Variants in NRXN3 observed in about 807,000 individuals in gnomAD.
The protein encoded by NRXN3 is neurexin III.
In NRXN3, 32 loss-of-function variants were observed where a neutral mutation model predicts 137.6. The ratio of observed to expected loss-of-function variants is 0.23; its 90% CI spans 0.18 to 0.31. NRXN3 has a LOEUF of 0.31. Ranked by LOEUF, NRXN3 falls within the 10% of genes least tolerant of loss-of-function variation. The probability of loss-of-function intolerance (pLI) is 1.00; values close to 1 mark genes in which losing one functional copy is unlikely to be tolerated. For synonymous variants in NRXN3, 798 were observed against 784.5 expected (o/e 1.02, Z -0.29); for missense variants, 1,574 against 2,062.5 (o/e 0.76, Z 4.59).
chr14:78,471,727 G>C (rs775325774), intron 4 of NRXN3, among the ~76,000 whole-genome samples: 7 of 152,122 alleles, frequency 4.6e-5, no homozygotes, highest in Non-Finnish European at 7.3e-5. Flanking sequence ...CATTGGTCTA[G>C]GCATACTTGT....
chr14:79,221,160 G>A (rs530037690), intron 15 of NRXN3, among the ~76,000 whole-genome samples: 1 of 151,984 alleles, frequency 6.6e-6, no homozygotes, highest in African/African-American at 2.4e-5. Context: ...TCATTGATGG[G>A]CATTTAGGTT....
chr14:78,294,207 A>G (rs1447076181), intron 3 of NRXN3, among the ~76,000 whole-genome samples: 2 of 152,204 alleles, frequency 1.3e-5, no homozygotes, highest in East Asian at 1.9e-4. Context: ...GTTGCCTTAC[A>G]TGTCAGTACA....
At chr14:79,598,307 G>A (rs2097883317) in intron 16 of NRXN3, among the ~76,000 whole-genome samples, 1 of 152,126 alleles carries the variant, frequency 6.6e-6, no homozygotes, top group Admixed American at 6.5e-5. Flanking sequence ...TCAGGTCATG[G>A]TTATCAGTTT....
chr14:79,085,703 G>C (rs77727286), intron 15 of NRXN3, among the ~76,000 whole-genome samples: 4,915 of 152,226 alleles, frequency 0.032, 259 homozygotes, highest in African/African-American at 0.11. Flanking sequence ...ATGATACGTA[G>C]AATTAGATGG....
chr14:79,631,335 T>C (rs2098342788), intron 16 of NRXN3, among the ~76,000 whole-genome samples: 1 of 152,274 alleles, frequency 6.6e-6, no homozygotes, highest in Non-Finnish European at 1.5e-5. Context: ...TGGCGCCTCC[T>C]CGGCCTCAGC....
intron 15 of NRXN3, among the ~76,000 whole-genome samples, chr14:79,361,956 G>T (rs1005580718): frequency 6.6e-6 from 1 of 150,652 alleles, no homozygotes; most frequent in Non-Finnish European, 1.5e-5. Context: ...GACTCTCGAG[G>T]CCAGCAGTGT....
chr14:78,796,447 A>AT (rs1347706079), intron 8 of NRXN3, among the ~76,000 whole-genome samples: 1 of 152,190 alleles, frequency 6.6e-6, no homozygotes, highest in East Asian at 1.9e-4. Context: ...TCTGGAACAG[A>AT]AGTTAGAGAA....
At chr14:79,007,989 C>T (rs1426592255) in intron 15 of NRXN3, among the ~76,000 whole-genome samples, 1 of 151,986 alleles carries the variant, frequency 6.6e-6, no homozygotes, top group Non-Finnish European at 1.5e-5. Flanking sequence ...TGTCAAGTGG[C>T]TCAAGCAGGA....
At chr14:79,606,264 C>T (rs2098014965) in intron 16 of NRXN3, among the ~76,000 whole-genome samples, 1 of 152,028 alleles carries the variant, frequency 6.6e-6, no homozygotes, top group African/African-American at 2.4e-5. Context: ...AAACAACAAA[C>T]CAACCAAATA....
At chr14:79,427,414 C>T (rs1215869430) in intron 15 of NRXN3, among the ~76,000 whole-genome samples, 6 of 152,094 alleles carry the variant, frequency 3.9e-5, no homozygotes, top group Admixed American at 3.3e-4. Flanking sequence ...TCCCATTCTA[C>T]TTCAGTCTCC....
chr14:79,478,819 A>G (rs10146997), intron 16 of NRXN3, among the ~76,000 whole-genome samples: 37,418 of 152,014 alleles, frequency 0.25, 5,197 homozygotes, highest in African/African-American at 0.36. Context: ...GTAGTTTCCA[A>G]TAGGAAGATT....
At chr14:78,246,335 G>A (rs562969367) in intron 2 of NRXN3, among the ~76,000 whole-genome samples, 1 of 151,952 alleles carries the variant, frequency 6.6e-6, no homozygotes, top group South Asian at 2.1e-4. Flanking sequence ...GTGTGCCATT[G>A]GTTTTTTAAT....
chr14:78,792,515 A>G lies in NRXN3; in HGVS notation c.2045-11105A>G, dbSNP rs986561800. ...AAAGAGAAAACCTAAGTACTTCAAC[A>G]AAGAAATTACTCAAAGGTATCAAAC... is the stretch of plus-strand genomic sequence containing the variant. On this transcript the variant is annotated intron_variant, in intron 8 of 20. Coordinates refer to ENST00000335750, the MANE Select transcript of NRXN3 (RefSeq NM_001330195.2). Among the ~76,000 whole-genome samples the G allele has an allele frequency of 5.9e-5, 9 of 152,174 alleles. No individual in the cohort carries two copies. The South Asian group carries it at 8.3e-4, about 14-fold the overall frequency.
intron 8 of NRXN3, among the ~76,000 whole-genome samples, chr14:78,795,129 T>A (rs1253566473): frequency 6.6e-6 from 1 of 152,112 alleles, no homozygotes; most frequent in Non-Finnish European, 1.5e-5. Flanking sequence ...GATATTTGAT[T>A]TTTCTTTGAA....
chr14:78,981,212 A>G (rs1483746320), intron 14 of NRXN3, among the ~76,000 whole-genome samples: 2 of 152,208 alleles, frequency 1.3e-5, no homozygotes, highest in Non-Finnish European at 2.9e-5. Flanking sequence ...GTTTAACTGA[A>G]TTGAAATGGT....
At chr14:78,836,689 G>A (rs2098997975) in intron 10 of NRXN3, among the ~76,000 whole-genome samples, 1 of 152,150 alleles carries the variant, frequency 6.6e-6, no homozygotes, top group Non-Finnish European at 1.5e-5. Flanking sequence ...TCTAGTATTA[G>A]TTTATTTCAT....
intron 19 of NRXN3, among the ~76,000 whole-genome samples, chr14:79,768,124 G>A (rs959944127): frequency 5.9e-5 from 9 of 152,148 alleles, no homozygotes; most frequent in African/African-American, 1.7e-4. Context: ...AGGGTCCTAC[G>A]CCCACGGAGT....
At chr14:79,806,719 GTTTT>G (rs561269146) in intron 20 of NRXN3, among the ~76,000 whole-genome samples, 1 of 137,988 alleles carries the variant, frequency 7.2e-6, no homozygotes, top group South Asian at 2.3e-4. Flanking sequence ...TTCCTATTCT[GTTTT>G]TTTTTTTTAA....
At chr14:78,652,406 A>C (rs2097754163) in intron 6 of NRXN3, among the ~76,000 whole-genome samples, 1 of 152,228 alleles carries the variant, frequency 6.6e-6, no homozygotes, top group African/African-American at 2.4e-5. Flanking sequence ...TGTTGAGGCA[A>C]AAAGAATCAG....
Sources: gnomAD v4.1 joint callset for allele counts (sites outside exome capture counted in the v4.1 genomes callset) on GRCh38, gnomAD v4.1.1 for gene constraint, MANE v1.5 for transcripts, NCBI Gene and HGNC (gene_info 2026-07-23, HGNC 2026-07-21) for gene names.